Variants in UBD observed in about 807,000 individuals in gnomAD.
The protein encoded by UBD is ubiquitin D.
A neutral mutation model predicts 2.3 loss-of-function variants in UBD; 1 was observed. The ratio of observed to expected loss-of-function variants is 0.43; its 90% confidence interval spans 0.15 to 2.06. UBD has a LOEUF of 2.06. Ranked by LOEUF, UBD falls within the 30% of genes most tolerant of loss-of-function variation. The pLI is 0.29. For missense variants in UBD, 175 were observed against 199.3 expected, an observed-to-expected ratio of 0.88 and a Z score of 0.73; for synonymous variants, 75 against 76.5, an observed-to-expected ratio of 0.98 and a Z score of 0.10.
rs369076262 is a variant in UBD, at chr6:29,559,669, A to G, written c.27+6T>C. 9.1e-5 allele frequency: 146 copies of G among 1,612,768 alleles called. No homozygotes were observed. Among genetic ancestry groups the G allele is most frequent in the Non-Finnish European group, 1.2e-4 (143 of 1,179,994 alleles). On this transcript the variant is annotated splice_donor_region_variant and intron_variant, in intron 1 of 1. Transcript: ENST00000377050. ...TCCCCATCCCCTTTATCAAATCCCA[A>G]CTTACACAGAGGCAGGAAGCATTGG...
intron 1 of UBD, chr6:29,557,168 A>G (rs1260079018): frequency 6.6e-6 from 1 of 152,216 alleles, no homozygotes; most frequent in Non-Finnish European, 1.5e-5. Flanking sequence ...TGCATCCCTT[A>G]CACTTAAAGA....
Position 29,559,684 on chromosome 6 carries a change from G to A in UBD, c.18C>T (p.Ser6=). Residue 6 remains serine (S), a synonymous_variant, in exon 1 of 2, where the codon TCC becomes TCT. Coordinates refer to ENST00000377050, the MANE Select transcript of UBD (RefSeq NM_006398.4). ...TCAAATCCCAACTTACACAGAGGCA[G>A]GAAGCATTGGGAGCCATCTCTGCAG... is the stretch of plus-strand genomic sequence containing the variant. MAPNA[S]CLCVHVRSEE... is the part of the protein sequence containing the mutation. The A allele has an allele frequency of 6.2e-7, 1 of 1,613,022 alleles. No individual in the cohort carries two copies. Among genetic ancestry groups the A allele is most frequent in the Non-Finnish European group, 8.5e-7 (1 of 1,180,020 alleles).
Position 29,556,241 on chromosome 6 carries a change from T to C in UBD, c.137A>G (p.Gln46Arg). 6.2e-7 allele frequency: 1 copy of C among 1,613,102 alleles called. No individual in the cohort carries two copies. Among genetic ancestry groups the C allele is most frequent in the African/African-American group, 1.3e-5 (1 of 75,064 alleles). Residue 46 changes from glutamine to arginine, a missense_variant, in exon 2 of 2, where the codon CAG (glutamine) becomes CGG (arginine). By Grantham distance (43) the Gln-to-Arg change is conservative. Coordinates refer to ENST00000377050, the MANE Select transcript of UBD (RefSeq NM_006398.4). ...HVRSKTKVPVQDQVLLLGSKI... is the reference protein window; with the variant it reads ...HVRSKTKVPVRDQVLLLGSKI... ...GGAGCCCAGCAAAAGAACCTGGTCCTGCACAGGAACCTTGGTCTTAGACCG... is the reference window on the plus strand; with the variant it reads ...GGAGCCCAGCAAAAGAACCTGGTCCCGCACAGGAACCTTGGTCTTAGACCG...
At chr6:29,557,815 G>A (rs190883597) in intron 1 of UBD, 4 of 152,060 alleles carry the variant, frequency 2.6e-5, no homozygotes, top group African/African-American at 4.8e-5. Context: ...TTTACATTTC[G>A]TTTTTCTGTG....
chr6:29,558,989 A>C (rs1385934718), intron 1 of UBD, among the ~76,000 whole-genome samples: 1 of 152,210 alleles, frequency 6.6e-6, no homozygotes, highest in Non-Finnish European at 1.5e-5. Context: ...CCCTGGTAAC[A>C]CTAATATAGA....
chr6:29,556,112 G>A lies in UBD; in HGVS notation c.266C>T (p.Pro89Leu), dbSNP rs752549232. ...KVVKPSDEELPLFLVESGDEA... is the reference protein window; with the variant it reads ...KVVKPSDEELLLFLVESGDEA... The stretch of plus-strand genomic sequence containing the variant: ...ATCACCTGACTCCACAAGAAACAAG[G>A]GCAGCTCCTCATCACTGGGCTTCAC... Residue 89 changes from proline (P) to leucine (L), a missense_variant, in exon 2 of 2, where the codon CCC becomes CTC. Coordinates refer to ENST00000377050, the MANE Select transcript of UBD (RefSeq NM_006398.4). 30 of 1,612,982 alleles carry A rather than the reference G, an allele frequency of 1.9e-5. No individual in the cohort carries two copies. The highest frequency in any genetic ancestry group is 3.3e-4 in the Middle Eastern group (2 of 6,084).
chr6:29,559,361 G>T (rs1044311799), intron 1 of UBD, among the ~76,000 whole-genome samples: 4 of 152,174 alleles, frequency 2.6e-5, no homozygotes, highest in Non-Finnish European at 5.9e-5. Flanking sequence ...CTTAAAAAAT[G>T]TTACCATAAT....
At chr6:29,557,201 GT>G (rs1201192209) in intron 1 of UBD, 4 of 152,176 alleles carry the variant, frequency 2.6e-5, no homozygotes, top group Non-Finnish European at 5.9e-5. Context: ...CTGCCACAAA[GT>G]TTTTTCTTTT....
intron 1 of UBD, among the ~76,000 whole-genome samples, chr6:29,558,640 C>G (rs1026743311): frequency 6.6e-6 from 1 of 152,194 alleles, no homozygotes; most frequent in Admixed American, 6.5e-5. Context: ...TTCCATCCCT[C>G]GGATCTGGCA....
chr6:29,555,772 A>C lies in UBD; in HGVS notation c.*108T>G. The C allele has an allele frequency of 1.2e-6, 1 of 819,680 alleles. No individual in the cohort carries two copies. Among genetic ancestry groups the C allele is most frequent in the Non-Finnish European group, 1.9e-6 (1 of 516,668 alleles). The allele number at this position is 819,680 out of a possible 1,614,324, so 50.8% of individuals were successfully genotyped here. A position where few individuals can be genotyped will look rare whatever the true frequency, so the allele number is the denominator to read the frequency against. ...ATCCCACCCAAATCTTACTCTACTCATCTCATTCTCATTAATTTTGGGAAA... is the reference window on the plus strand; with the variant it reads ...ATCCCACCCAAATCTTACTCTACTCCTCTCATTCTCATTAATTTTGGGAAA... On this transcript the variant is annotated 3_prime_UTR_variant, in exon 2 of 2. Transcript: ENST00000377050.
intron 1 of UBD, 114 bp from the exon 2 acceptor site, chr6:29,556,464 A>G: frequency 2.9e-6 from 2 of 693,512 alleles, no homozygotes; most frequent in Non-Finnish European, 4.8e-6. Context: ...TCTAGCTCCT[A>G]TTCAGTAGCC....
intron 1 of UBD, chr6:29,557,633 G>C (rs1232142271): frequency 1.3e-5 from 2 of 152,156 alleles, no homozygotes; most frequent in African/African-American, 4.8e-5. Context: ...AACCCCTTCA[G>C]CATAAATTCC....
rs444013 is a variant in UBD, at chr6:29,555,869, G to C, written c.*11C>G. ...TTTTTGACCCCTGCCAACACCCCATGCCCAGGGTGGTCACCCTCCAATACA... is the reference window on the plus strand; with the variant it reads ...TTTTTGACCCCTGCCAACACCCCATCCCCAGGGTGGTCACCCTCCAATACA... On this transcript the variant is annotated 3_prime_UTR_variant, in exon 2 of 2. Transcript: ENST00000377050. The C allele has an allele frequency of 0.56, 894,832 of 1,605,994 alleles. 255,129 individuals are homozygous for C. The highest frequency in any genetic ancestry group is 0.76 in the South Asian group (69,188 of 90,862).
chr6:29,559,603 T>G, intron 1 of UBD, 72 bp downstream of exon 1: 1 of 1,566,798 alleles, frequency 6.4e-7, no homozygotes, highest in Non-Finnish European at 8.8e-7. Flanking sequence ...CCAGCCCCCG[T>G]TTCTAAGATC....
Position 29,555,745 on chromosome 6 carries a change from C to G in UBD, c.*135G>C. ...AGTTGGGCAATATACTTCATCCTAC[C>G]CATCCCACCCAAATCTTACTCTACT... On this transcript the variant is annotated 3_prime_UTR_variant, in exon 2 of 2. Coordinates refer to ENST00000377050, the MANE Select transcript of UBD (RefSeq NM_006398.4). 1.5e-6 allele frequency: 1 copy of G among 656,580 alleles called. No homozygotes were observed. Among genetic ancestry groups the G allele is most frequent in the South Asian group, 2.0e-5 (1 of 50,944 alleles). 40.7% of individuals were successfully genotyped at this position (656,580 alleles called of 1,614,324 possible). A position where few individuals can be genotyped will look rare whatever the true frequency, so the allele number is the denominator to read the frequency against.
Position 29,556,083 on chromosome 6 carries a change from C to T in UBD, c.295G>A (p.Ala99Thr), listed in dbSNP as rs146622417. The T allele has an allele frequency of 3.1e-6, 5 of 1,612,970 alleles. No homozygotes were observed. The highest frequency in any genetic ancestry group is 2.2e-5 in the South Asian group (2 of 91,080). ...PLFLVESGDE[A>T]KRHLLQVRRS... Reference sequence around the variant, plus strand: ...CGCACCTGGAGGAGGTGCCTCTTTGCCTCATCACCTGACTCCACAAGAAAC... The same window carrying T: ...CGCACCTGGAGGAGGTGCCTCTTTGTCTCATCACCTGACTCCACAAGAAAC... Residue 99 changes from alanine to threonine, a missense_variant, in exon 2 of 2, where the codon GCA (alanine) becomes ACA (threonine). Transcript: ENST00000377050.
At chr6:29,559,581 C>T in intron 1 of UBD, 94 bp downstream of exon 1, 3 of 1,387,410 alleles carry the variant, frequency 2.2e-6, no homozygotes, top group Non-Finnish European at 3.1e-6. Context: ...CCCCCAGAGC[C>T]CTGAGTACTG....
At chr6:29,556,573 C>A in intron 1 of UBD, 1 of 518,722 alleles carries the variant, frequency 1.9e-6, no homozygotes, top group Non-Finnish European at 3.4e-6. Context: ...ACCTTTTTTT[C>A]GATCTTGAGA....
chr6:29,557,374 T>A (rs763915192), intron 1 of UBD: 8 of 152,208 alleles, frequency 5.3e-5, no homozygotes, highest in Non-Finnish European at 2.9e-5. Flanking sequence ...TTTCTCCTGA[T>A]AAGAGACCAC....
Sources: gnomAD v4.1 joint callset for allele counts (sites outside exome capture counted in the v4.1 genomes callset) on GRCh38, gnomAD v4.1.1 for gene constraint, MANE v1.5 for transcripts, NCBI Gene and HGNC (gene_info 2026-07-23, HGNC 2026-07-21) for gene names.